The following DNAAF11 variants were observed in gnomAD, a reference collection of about 807,000 sequenced individuals.
DNAAF11 encodes the protein leucine rich repeat containing 6.
DNAAF11 carries 45 observed loss-of-function variants against 60.8 expected under a neutral mutation model. The ratio of observed to expected loss-of-function variants is 0.74; its 90% CI spans 0.58 to 0.95. The LOEUF (loss-of-function observed/expected upper bound fraction) is 0.95. Among genes scored for constraint, DNAAF11 ranks in the 40% least tolerant of loss-of-function variants. The pLI is 0.00. For missense variants in DNAAF11, 546 were observed against 546.2 expected (o/e 1.00, Z 0.00); for synonymous variants, 191 against 183.5 (o/e 1.04, Z -0.33).
chr8:132,660,997 C>T (rs528792813), intron 2 of DNAAF11, among the ~76,000 whole-genome samples: 56 of 152,216 alleles, frequency 3.7e-4, no homozygotes, highest in African/African-American at 1.3e-3. Context: ...AATCGGAAGC[C>T]CCTCAATACC....
chr8:132,692,753 C>G, the DNAAF11 span, among the ~76,000 whole-genome samples: 1 of 152,174 alleles, frequency 6.6e-6, no homozygotes, highest in African/African-American at 2.4e-5. Context: ...CAGGTCCATT[C>G]GCAACCTCCA....
intron 2 of DNAAF11, among the ~76,000 whole-genome samples, chr8:132,660,418 G>A (rs1824017296): frequency 6.6e-6 from 1 of 152,152 alleles, no homozygotes; most frequent in Admixed American, 6.5e-5. Flanking sequence ...CTAAGACTTG[G>A]GCAAGTAACT....
intron 8 of DNAAF11, among the ~76,000 whole-genome samples, chr8:132,612,233 GAA>G (rs1442664943): frequency 7.9e-5 from 12 of 152,128 alleles, no homozygotes; most frequent in Non-Finnish European, 1.6e-4. Flanking sequence ...AGATTGTTAG[GAA>G]GGAACATGTA....
intron 10 of DNAAF11, 101 bp downstream of exon 10, chr8:132,610,063 TAA>T: frequency 1.3e-6 from 1 of 752,116 alleles, no homozygotes; most frequent in Non-Finnish European, 2.3e-6. Flanking sequence ...TGCTCCCAAC[TAA>T]AATGTACTTT....
In DNAAF11 at chr8:132,610,252, G is replaced by C. The variant is rs1485257977; in HGVS notation, c.1054C>G (p.Leu352Val). 1.9e-6 allele frequency: 3 copies of C among 1,609,952 alleles called. No individual in the cohort carries two copies. Among genetic ancestry groups the C allele is most frequent in the Non-Finnish European group, 2.6e-6 (3 of 1,176,326 alleles). The change falls in exon 10 of 12, where the codon CTT (leucine) becomes GTT (valine). Residue 352 changes from leucine (L) to valine (V), a missense_variant. Coordinates refer to ENST00000620350, the MANE Select transcript of DNAAF11 (RefSeq NM_012472.6). ...GGTTTCACTTCTGCAGGAAGGACAA[G>C]CTGAAATGGCTGAAAATAAGTAGAA... ...RVMIKGKPFQ[L>V]VLPAEVKPDS... is the part of the protein sequence containing the mutation.
intron 3 of DNAAF11, among the ~76,000 whole-genome samples, chr8:132,640,262 T>C (rs1334410111): frequency 1.3e-5 from 2 of 152,128 alleles, no homozygotes; most frequent in African/African-American, 4.8e-5. Flanking sequence ...TTTATAAACT[T>C]CTCTATACCT....
intron 1 of DNAAF11, among the ~76,000 whole-genome samples, chr8:132,671,893 C>T (rs1049046166): frequency 4.0e-5 from 6 of 150,250 alleles, no homozygotes; most frequent in Non-Finnish European, 7.4e-5. Context: ...GATGGAATAG[C>T]ATAAAACCAA....
the DNAAF11 span, among the ~76,000 whole-genome samples, chr8:132,700,608 A>G: frequency 3.9e-5 from 6 of 151,906 alleles, no homozygotes; most frequent in Non-Finnish European, 8.8e-5. Context: ...GGATTGCTTG[A>G]GCCCAAGGGT....
intron 5 of DNAAF11, among the ~76,000 whole-genome samples, chr8:132,628,208 T>C (rs752853124): frequency 2.6e-5 from 4 of 152,092 alleles, no homozygotes; most frequent in Non-Finnish European, 5.9e-5. Flanking sequence ...GGTCAGAAGT[T>C]AGAGACCAGC....
rs1221071101 is a variant in DNAAF11, at chr8:132,571,384, T to C, written c.*922A>G. On this transcript the variant is annotated 3_prime_UTR_variant, in exon 12 of 12. Coordinates refer to ENST00000620350, the MANE Select transcript of DNAAF11 (RefSeq NM_012472.6). ...ATATCATGATCAGAGTAACAGTAAT[T>C]TGTCCTACAATGTATGTGAAATATT... Among the ~76,000 whole-genome samples, 1 of 152,172 alleles carries C rather than the reference T, an allele frequency of 6.6e-6. No individual in the cohort carries two copies. The highest frequency in any genetic ancestry group is 1.5e-5 in the Non-Finnish European group (1 of 68,022).
rs1464106413 is a variant in DNAAF11, at chr8:132,661,499, T to G, written c.139A>C (p.Lys47Gln). The G allele has an allele frequency of 1.2e-6, 2 of 1,613,428 alleles. No homozygotes were observed. The highest frequency in any genetic ancestry group is 2.7e-5 in the African/African-American group (2 of 74,926). ...AGATTATTTTGAAGATAGAGAATTT[T>G]TAAATCCCGGCACCATTTATCAATG... ...EHIDKWCRDL[K>Q]ILYLQNNLIG... Residue 47 changes from lysine (K) to glutamine (Q), a missense_variant, in exon 2 of 12, where the codon AAA (lysine) becomes CAA (glutamine). Lys to Gln is a moderately conservative substitution (Grantham distance 53). Coordinates refer to ENST00000620350, the MANE Select transcript of DNAAF11 (RefSeq NM_012472.6).
At chr8:132,682,298 G>A in the DNAAF11 span, among the ~76,000 whole-genome samples, 1 of 152,158 alleles carries the variant, frequency 6.6e-6, no homozygotes, top group South Asian at 2.1e-4. Context: ...CGCCGTGCTG[G>A]AGAAGCCAAT....
intron 11 of DNAAF11, among the ~76,000 whole-genome samples, chr8:132,572,954 T>G (rs1010680360): frequency 2.6e-5 from 4 of 152,138 alleles, no homozygotes. Flanking sequence ...TTCAGGTGCA[T>G]AGTAAAGTGT....
intron 1 of DNAAF11, among the ~76,000 whole-genome samples, chr8:132,667,476 T>A (rs902449912): frequency 6.6e-6 from 1 of 152,200 alleles, no homozygotes; most frequent in Non-Finnish European, 1.5e-5. Flanking sequence ...TAAGACTATT[T>A]CAAGAAAAAT....
chr8:132,668,500 G>A (rs941403757), intron 1 of DNAAF11, among the ~76,000 whole-genome samples: 18 of 151,798 alleles, frequency 1.2e-4, no homozygotes, highest in African/African-American at 3.4e-4. Flanking sequence ...GCCCAGTGGC[G>A]CGATCTTGGC....
chr8:132,584,698 T>C (rs1815698147), intron 10 of DNAAF11, among the ~76,000 whole-genome samples: 1 of 152,130 alleles, frequency 6.6e-6, no homozygotes, highest in Non-Finnish European at 1.5e-5. Flanking sequence ...GGGGAATGAC[T>C]CATTCACCTG....
At chr8:132,700,174 C>A in the DNAAF11 span, among the ~76,000 whole-genome samples, 2 of 152,236 alleles carry the variant, frequency 1.3e-5, no homozygotes, top group Middle Eastern at 3.4e-3. Flanking sequence ...ATATTATTTT[C>A]TTTTTTGTAG....
intron 10 of DNAAF11, among the ~76,000 whole-genome samples, chr8:132,593,367 A>C (rs1025796703): frequency 7.1e-6 from 1 of 141,418 alleles, no homozygotes; most frequent in African/African-American, 2.6e-5. Flanking sequence ...ATATATTTAT[A>C]TGTAATGCCC....
At chr8:132,691,715 T>C in the DNAAF11 span, among the ~76,000 whole-genome samples, 1 of 152,084 alleles carries the variant, frequency 6.6e-6, no homozygotes, top group East Asian at 1.9e-4. Context: ...GAGAATTCAC[T>C]CATTATCATG....
Sources: gnomAD v4.1 joint callset for allele counts (sites outside exome capture counted in the v4.1 genomes callset) on GRCh38, gnomAD v4.1.1 for gene constraint, MANE v1.5 for transcripts, NCBI Gene and HGNC (gene_info 2026-07-23, HGNC 2026-07-21) for gene names.